RANBP2: variants seen among roughly 807,000 people sequenced by gnomAD.
RANBP2 encodes E3 SUMO-protein ligase RanBP2.
Under a neutral mutation model 303.6 loss-of-function variants are expected in RANBP2, and 57 were observed. The observed-to-expected ratio is 0.19, with a 90% CI of 0.15 to 0.23. The LOEUF (loss-of-function observed/expected upper bound fraction) is 0.23, where lower values mean the gene tolerates loss of function less well. Among genes scored for constraint, RANBP2 ranks in the 10% least tolerant of loss-of-function variants. RANBP2 has a pLI of 1.00. For missense variants in RANBP2, 3,138 were observed against 3,780.8 expected (o/e 0.83, Z 4.46); for synonymous variants, 1,167 against 1,301.5 (o/e 0.90, Z 2.23).
the RANBP2 span, chr2:109,251,424 G>A: frequency 1.4e-6 from 1 of 707,352 alleles, no homozygotes; most frequent in Non-Finnish European, 2.7e-6. Context: ...TAGACACCAT[G>A]AGCAAAGCTC....
chr2:109,629,400 T>C, the RANBP2 span, among the ~76,000 whole-genome samples: 1 of 141,944 alleles, frequency 7.0e-6, no homozygotes, highest in South Asian at 2.2e-4. Flanking sequence ...TTTCACAAGC[T>C]TGAAAAATTG....
At chr2:108,731,799 T>G (rs1695187075) in intron 4 of RANBP2, 1 of 261,970 alleles carries the variant, frequency 3.8e-6, no homozygotes, top group Admixed American at 5.1e-5. Flanking sequence ...AAGTGAAAAT[T>G]ACCTACAGGA....
At chr2:108,936,747 G>T in the RANBP2 span, among the ~76,000 whole-genome samples, 1 of 152,228 alleles carries the variant, frequency 6.6e-6, no homozygotes, top group African/African-American at 2.4e-5. Context: ...TCTCAGCTGA[G>T]TAGTGCTAAT....
chr2:108,800,608 C>CTTTTTTTTTTTTTTT, the RANBP2 span, among the ~76,000 whole-genome samples: 1 of 33,492 alleles, frequency 3.0e-5, no homozygotes, highest in Admixed American at 5.5e-4. Flanking sequence ...CTCAGTTTAG[C>CTTTTTTTTTTTTTTT]TTTTTTTTTT....
At chr2:108,894,414 A>C in the RANBP2 span, 5 of 151,362 alleles carry the variant, frequency 3.3e-5, no homozygotes, top group Non-Finnish European at 5.9e-5. Flanking sequence ...TTCCCCACTC[A>C]CCCCCCGACC....
chr2:109,406,868 C>T, the RANBP2 span, among the ~76,000 whole-genome samples: 2 of 151,264 alleles, frequency 1.3e-5, no homozygotes, highest in African/African-American at 2.5e-5. Context: ...CTTACAGCCC[C>T]GCCCTGTTGA....
At chr2:109,569,042 C>G in the RANBP2 span, among the ~76,000 whole-genome samples, 1 of 152,110 alleles carries the variant, frequency 6.6e-6, no homozygotes, top group African/African-American at 2.4e-5. Flanking sequence ...ACTGGTGGTT[C>G]TTAAGTTTTT....
chr2:108,855,488 A>G, the RANBP2 span, among the ~76,000 whole-genome samples: 3 of 135,786 alleles, frequency 2.2e-5, no homozygotes, highest in South Asian at 7.8e-4. Context: ...TGGTGTTGCT[A>G]AAAAAAAAAA....
the RANBP2 span, among the ~76,000 whole-genome samples, chr2:109,145,595 C>T: frequency 2.6e-5 from 4 of 152,188 alleles, no homozygotes; most frequent in South Asian, 2.1e-4. Context: ...CACGCATGGT[C>T]GAGCGACCTT....
chr2:108,943,981 T>A, the RANBP2 span, among the ~76,000 whole-genome samples: 5 of 152,234 alleles, frequency 3.3e-5, no homozygotes, highest in African/African-American at 1.2e-4. Context: ...CTGAGGTGAA[T>A]GCATGTGGAA....
At chr2:109,313,114 A>T in the RANBP2 span, among the ~76,000 whole-genome samples, 7 of 152,170 alleles carry the variant, frequency 4.6e-5, no homozygotes, top group Non-Finnish European at 7.3e-5. Flanking sequence ...CTCACACTGT[A>T]GGTAATATTT....
the RANBP2 span, among the ~76,000 whole-genome samples, chr2:109,347,507 TC>T: frequency 3.3e-5 from 5 of 152,094 alleles, no homozygotes; most frequent in African/African-American, 1.2e-4. Context: ...ATGTGCATGT[TC>T]CTGTGACAGG....
At chr2:109,482,421 A>G in the RANBP2 span, among the ~76,000 whole-genome samples, 1 of 152,208 alleles carries the variant, frequency 6.6e-6, no homozygotes, top group Admixed American at 6.5e-5. Context: ...CTGTTGCCAA[A>G]GCTGTCGCAG....
the RANBP2 span, chr2:108,911,132 C>T: frequency 3.4e-4 from 551 of 1,607,382 alleles, 9 homozygotes; most frequent in East Asian, 0.012. Context: ...GGTCTTCCCT[C>T]CAGGACTCCG....
the RANBP2 span, among the ~76,000 whole-genome samples, chr2:109,415,923 T>C: frequency 6.6e-6 from 1 of 152,076 alleles, no homozygotes; most frequent in Admixed American, 6.5e-5. Flanking sequence ...GGCTGAATAA[T>C]CACTCATGGA....
the RANBP2 span, among the ~76,000 whole-genome samples, chr2:108,807,263 T>C: frequency 6.6e-6 from 1 of 152,340 alleles, no homozygotes; most frequent in Non-Finnish European, 1.5e-5. Flanking sequence ...AGAGAATTCC[T>C]AGCATAGGTC....
chr2:108,930,096 G>C, the RANBP2 span: 3 of 1,607,304 alleles, frequency 1.9e-6, no homozygotes, highest in Admixed American at 5.0e-5. Flanking sequence ...AGCGCACCAG[G>C]CTCCAGGAGG....
the RANBP2 span, among the ~76,000 whole-genome samples, chr2:109,293,936 C>G: frequency 6.6e-6 from 1 of 152,200 alleles, no homozygotes; most frequent in Non-Finnish European, 1.5e-5. Flanking sequence ...GGCCGGCGCC[C>G]TCCTCTATGT....
the RANBP2 span, among the ~76,000 whole-genome samples, chr2:109,105,484 T>C: frequency 6.6e-6 from 1 of 152,258 alleles, no homozygotes; most frequent in Non-Finnish European, 1.5e-5. Flanking sequence ...CTTGGATCGC[T>C]TAGGTCACCT....
Sources: allele counts gnomAD v4.1 joint callset (sites outside exome capture counted in the v4.1 genomes callset), GRCh38; gene constraint gnomAD v4.1.1; transcripts MANE v1.5; gene names NCBI Gene and HGNC (gene_info 2026-07-23, HGNC 2026-07-21).